TAF2: variants seen among roughly 807,000 people sequenced by gnomAD.
TAF2 encodes transcription initiation factor TFIID subunit 2.
A neutral mutation model predicts 138.5 loss-of-function variants in TAF2; 61 were observed. That is an observed-to-expected ratio of 0.44 (90% confidence interval 0.36 to 0.54). The LOEUF is 0.54. Ranked by LOEUF, TAF2 falls within the 20% of genes least tolerant of loss-of-function variation. The pLI is 0.00. For synonymous variants in TAF2, 475 were observed against 469.9 expected, an observed-to-expected ratio of 1.01 and a Z score of -0.14; for missense variants, 1,090 against 1,427.9, an observed-to-expected ratio of 0.76 and a Z score of 3.81.
rs567185375 is a variant in TAF2, at chr8:119,824,990, T to C, written c.139-5484A>G. ...GGGTCCCTACTGAGGCACCACCTAG[T>C]GGAGCTGTGAGAAGAGGGCCACCAT... is the stretch of plus-strand genomic sequence containing the variant. On this transcript the variant is annotated intron_variant, in intron 2 of 25. Transcript: ENST00000378164. Among the ~76,000 whole-genome samples, 113 of 152,318 alleles carry C rather than the reference T, an allele frequency of 7.4e-4. 4 individuals are homozygous for C. In the South Asian group the frequency reaches 0.02, roughly 27 times the overall value.
intron 2 of TAF2, 79 bp from the exon 3 acceptor site, chr8:119,819,585 T>C (rs983516023): frequency 7.7e-5 from 91 of 1,188,900 alleles, no homozygotes; most frequent in Non-Finnish European, 1.1e-4. Flanking sequence ...TTACCACTTG[T>C]ACACATATTA....
chr8:119,790,238 T>A (rs184074445), intron 11 of TAF2, among the ~76,000 whole-genome samples: 1 of 152,088 alleles, frequency 6.6e-6, no homozygotes, highest in East Asian at 1.9e-4. Context: ...GAGTTTGAGA[T>A]CAGACTGGGC....
chr8:119,796,871 A>G (rs1169947528), intron 8 of TAF2, 119 bp downstream of exon 8: 7 of 738,364 alleles, frequency 9.5e-6, no homozygotes, highest in Non-Finnish European at 1.7e-5. Context: ...ATACATATAG[A>G]ACAGTGTCTC....
intron 3 of TAF2, among the ~76,000 whole-genome samples, chr8:119,819,022 C>T (rs1825662664): frequency 6.6e-6 from 1 of 151,984 alleles, no homozygotes; most frequent in Non-Finnish European, 1.5e-5. Flanking sequence ...ATCTAACCCA[C>T]TGAAAATTAC....
At chr8:119,745,188 T>C (rs1047580982) in intron 23 of TAF2, among the ~76,000 whole-genome samples, 1 of 152,212 alleles carries the variant, frequency 6.6e-6, no homozygotes, top group Non-Finnish European at 1.5e-5. Context: ...TAATCTTTTC[T>C]TGTCTGCTGG....
intron 2 of TAF2, among the ~76,000 whole-genome samples, chr8:119,828,697 A>G (rs1483924532): frequency 6.6e-6 from 1 of 152,208 alleles, no homozygotes; most frequent in Non-Finnish European, 1.5e-5. Flanking sequence ...ATTTAGTTTT[A>G]TACTATTTCT....
chr8:119,781,276 A>G (rs1384881504), intron 16 of TAF2, 83 bp from the exon 17 acceptor site: 9 of 1,474,344 alleles, frequency 6.1e-6, no homozygotes, highest in Non-Finnish European at 8.4e-6. Flanking sequence ...AAAGTTATCA[A>G]TACTACAACT....
In TAF2 at chr8:119,788,435, C is replaced by A; in HGVS notation, c.1696G>T (p.Val566Leu). ...GATCCATCTAACTCCTGCACTGTCA[C>A]TTTAAGTGGTCCCTTTTAAAAAAAA... is the stretch of plus-strand genomic sequence containing the variant. ...GTQKYVGPLKVTVQELDGSFN... is the reference protein window; with the variant it reads ...GTQKYVGPLKLTVQELDGSFN... Residue 566 changes from valine to leucine, a missense_variant, in exon 14 of 26, where the codon GTG becomes TTG. Physicochemically the swap from Val to Leu is conservative, Grantham distance 32. Transcript: ENST00000378164. 1 of 1,611,896 alleles carries A rather than the reference C, an allele frequency of 6.2e-7. No individual in the cohort carries two copies. Among genetic ancestry groups the A allele is most frequent in the Non-Finnish European group, 8.5e-7 (1 of 1,179,294 alleles).
intron 18 of TAF2, among the ~76,000 whole-genome samples, chr8:119,766,031 CT>C (rs1821397503): frequency 6.6e-6 from 1 of 152,156 alleles, no homozygotes; most frequent in Non-Finnish European, 1.5e-5. Context: ...GGTATCACAG[CT>C]GCTGAAAGGA....
intron 2 of TAF2, among the ~76,000 whole-genome samples, chr8:119,831,067 A>C (rs1181250836): frequency 6.6e-6 from 1 of 152,164 alleles, no homozygotes; most frequent in Non-Finnish European, 1.5e-5. Context: ...AGATCACAGC[A>C]CTGCACTCCA....
chr8:119,745,090 T>G, intron 23 of TAF2: 2 of 453,554 alleles, frequency 4.4e-6, no homozygotes, highest in South Asian at 3.1e-5. Flanking sequence ...TAGCTCATAT[T>G]ATAGCTGAAA....
chr8:119,783,265 G>A (rs1383681597), intron 16 of TAF2, 116 bp downstream of exon 16: 10 of 1,311,584 alleles, frequency 7.6e-6, no homozygotes. Context: ...TTTGGCAAAA[G>A]CTTTCAAAGA....
At chr8:119,757,827 C>T (rs1263974784) in intron 21 of TAF2, among the ~76,000 whole-genome samples, 2 of 151,722 alleles carry the variant, frequency 1.3e-5, no homozygotes, top group East Asian at 3.9e-4. Context: ...ACCCAGGAGG[C>T]GGAGGTTGCA....
intron 20 of TAF2, among the ~76,000 whole-genome samples, chr8:119,759,150 T>C (rs1267675497): frequency 6.6e-6 from 1 of 152,106 alleles, no homozygotes; most frequent in Admixed American, 6.5e-5. Context: ...TTACATTTTC[T>C]TTCATGCCAA....
At position 119,756,049 on chromosome 8, in the gene TAF2, G is replaced by T. The variant is rs1407845299; in HGVS notation, c.2835C>A (p.Cys945Ter). 1 of 1,613,532 alleles carries T rather than the reference G, an allele frequency of 6.2e-7. No homozygotes were observed. Among genetic ancestry groups the T allele is most frequent in the Non-Finnish European group, 8.5e-7 (1 of 1,179,794 alleles). ...PFTKNMESPL[C>*]NEALVDQLWK... ...AAAGTTGATCTACCAGGGCTTCATT[G>T]CATAAGGGAGACTCCATGTTCTTAG... Residue 945 changes from cysteine to a stop codon, truncating the protein, a stop_gained, in exon 22 of 26, where the codon TGC becomes TGA. Coordinates refer to ENST00000378164, the MANE Select transcript of TAF2 (RefSeq NM_003184.4). LOFTEE classifies it high-confidence loss of function.
At chr8:119,803,200 T>C (rs1824383424) in intron 5 of TAF2, among the ~76,000 whole-genome samples, 1 of 152,206 alleles carries the variant, frequency 6.6e-6, no homozygotes, top group African/African-American at 2.4e-5. Context: ...GTCTCTATAA[T>C]CTTGTAATAT....
intron 9 of TAF2, among the ~76,000 whole-genome samples, chr8:119,793,839 C>T (rs917680531): frequency 2.1e-5 from 3 of 142,760 alleles, no homozygotes; most frequent in African/African-American, 7.9e-5. Flanking sequence ...TTTAAAACTT[C>T]TCCAGTCTTC....
At chr8:119,769,345 A>C (rs1459610562) in intron 18 of TAF2, among the ~76,000 whole-genome samples, 1 of 152,154 alleles carries the variant, frequency 6.6e-6, no homozygotes, top group Non-Finnish European at 1.5e-5. Flanking sequence ...TAAATTCAAA[A>C]ATCAGAAGTG....
chr8:119,756,927 C>T (rs1820739082), intron 21 of TAF2, among the ~76,000 whole-genome samples: 1 of 152,148 alleles, frequency 6.6e-6, no homozygotes, highest in African/African-American at 2.4e-5. Flanking sequence ...TTAACCAGCT[C>T]TAGCACCAAG....
Sources: allele counts gnomAD v4.1 joint callset (sites outside exome capture counted in the v4.1 genomes callset), GRCh38; gene constraint gnomAD v4.1.1; transcripts MANE v1.5; gene names NCBI Gene and HGNC (gene_info 2026-07-23, HGNC 2026-07-21).